QTMAN: variants seen among roughly 807,000 people sequenced by gnomAD.
QTMAN encodes the protein queuosine-tRNA mannosyltransferase, also known as tRNA-queuosine alpha-mannosyltransferase.
At chr2:144,133,150 T>TATATATATATATATA in the QTMAN span, among the ~76,000 whole-genome samples, 1 of 38,482 alleles carries the variant, frequency 2.6e-5, no homozygotes, top group African/African-American at 2.3e-4. Flanking sequence ...TATATATATA[T>TATATATATATATATA]AATATAATAT....
At chr2:143,972,738 G>A in the QTMAN span, among the ~76,000 whole-genome samples, 1 of 152,114 alleles carries the variant, frequency 6.6e-6, no homozygotes, top group African/African-American at 2.4e-5. Context: ...TGTTTAAACT[G>A]TAATATATGG....
chr2:144,019,405 G>T, the QTMAN span, among the ~76,000 whole-genome samples: 1 of 147,878 alleles, frequency 6.8e-6, no homozygotes. Context: ...GAGCAGAGAG[G>T]GGGAGGCAGA....
the QTMAN span, among the ~76,000 whole-genome samples, chr2:144,117,227 A>C: frequency 1.7e-4 from 26 of 152,310 alleles, no homozygotes; most frequent in African/African-American, 6.3e-4. Context: ...ACAGTAGATT[A>C]GCATTTTCCA....
At chr2:144,086,072 A>G in the QTMAN span, among the ~76,000 whole-genome samples, 1 of 152,026 alleles carries the variant, frequency 6.6e-6, no homozygotes, top group Non-Finnish European at 1.5e-5. Context: ...AACTCTATAT[A>G]TTTTTGCTAA....
At chr2:144,056,364 T>C in the QTMAN span, among the ~76,000 whole-genome samples, 1 of 152,240 alleles carries the variant, frequency 6.6e-6, no homozygotes, top group African/African-American at 2.4e-5. Context: ...GCAGGATGAA[T>C]GCACCCTGAA....
chr2:144,300,320 T>C, the QTMAN span, among the ~76,000 whole-genome samples: 1 of 152,226 alleles, frequency 6.6e-6, no homozygotes, highest in Admixed American at 6.5e-5. Flanking sequence ...TATAATTAAA[T>C]GGCCAAATGA....
At chr2:144,165,367 T>C in the QTMAN span, among the ~76,000 whole-genome samples, 1 of 151,374 alleles carries the variant, frequency 6.6e-6, no homozygotes. Flanking sequence ...TGAGACTCCG[T>C]CTCAAAAAAA....
At chr2:144,306,915 A>AC in the QTMAN span, among the ~76,000 whole-genome samples, 1 of 152,124 alleles carries the variant, frequency 6.6e-6, no homozygotes, top group Non-Finnish European at 1.5e-5. Flanking sequence ...TAATCCCAGC[A>AC]CTTTGGGAGG....
At chr2:144,273,646 T>C in the QTMAN span, among the ~76,000 whole-genome samples, 9 of 152,144 alleles carry the variant, frequency 5.9e-5, no homozygotes, top group Non-Finnish European at 4.4e-5. Context: ...TGCTGAAACA[T>C]AATAGTTGTG....
chr2:144,078,435 C>T, the QTMAN span, among the ~76,000 whole-genome samples: 2 of 152,226 alleles, frequency 1.3e-5, no homozygotes, highest in Non-Finnish European at 2.9e-5. Context: ...CTTTTAGATG[C>T]AACAAGCACA....
chr2:144,153,598 G>C, the QTMAN span, among the ~76,000 whole-genome samples: 1 of 152,170 alleles, frequency 6.6e-6, no homozygotes, highest in Non-Finnish European at 1.5e-5. Context: ...GGCTGAGGCA[G>C]GAGAATGGCG....
At chr2:144,088,809 C>G in the QTMAN span, among the ~76,000 whole-genome samples, 1 of 151,898 alleles carries the variant, frequency 6.6e-6, no homozygotes, top group African/African-American at 2.4e-5. Context: ...TCAACATACA[C>G]AAAAATCAAG....
At chr2:144,176,228 TTCA>T in the QTMAN span, among the ~76,000 whole-genome samples, 12 of 152,304 alleles carry the variant, frequency 7.9e-5, no homozygotes, top group African/African-American at 2.6e-4. Flanking sequence ...ATTTATAAAT[TTCA>T]TCATTTTAAT....
At chr2:144,235,925 T>C in the QTMAN span, among the ~76,000 whole-genome samples, 1 of 151,628 alleles carries the variant, frequency 6.6e-6, no homozygotes. Context: ...TAATAAGAGA[T>C]TTTCAGTCTC....
the QTMAN span, among the ~76,000 whole-genome samples, chr2:144,275,626 A>T: frequency 3.3e-5 from 5 of 152,234 alleles, no homozygotes; most frequent in African/African-American, 1.2e-4. Flanking sequence ...CTCATCTATG[A>T]AACAGCACAA....
At chr2:144,163,958 T>C in the QTMAN span, among the ~76,000 whole-genome samples, 4 of 152,136 alleles carry the variant, frequency 2.6e-5, no homozygotes, top group African/African-American at 9.7e-5. Context: ...AGAGTATTGC[T>C]CTGTCACCAG....
At chr2:144,323,642 T>C in the QTMAN span, among the ~76,000 whole-genome samples, 12 of 152,302 alleles carry the variant, frequency 7.9e-5, no homozygotes, top group East Asian at 1.9e-3. Context: ...TGTGAACTGT[T>C]ATCTTAAGGA....
At chr2:144,199,919 T>C in the QTMAN span, among the ~76,000 whole-genome samples, 19 of 152,328 alleles carry the variant, frequency 1.2e-4, no homozygotes, top group Middle Eastern at 6.8e-3. Context: ...AAATAATTAA[T>C]GGCAGAGCTG....
At chr2:144,007,172 C>T in the QTMAN span, 8 of 1,533,690 alleles carry the variant, frequency 5.2e-6, no homozygotes, top group Non-Finnish European at 7.1e-6. Flanking sequence ...ATTGGCATGC[C>T]TTGACTTACC....
Sources: gnomAD v4.1 joint callset for allele counts (sites outside exome capture counted in the v4.1 genomes callset) on GRCh38, gnomAD v4.1.1 for gene constraint, MANE v1.5 for transcripts, NCBI Gene and HGNC (gene_info 2026-07-23, HGNC 2026-07-21) for gene names.